Variants in PTPRR observed in about 807,000 individuals in gnomAD.
PTPRR encodes receptor-type tyrosine-protein phosphatase R.
In PTPRR, 38 loss-of-function variants were observed where a neutral mutation model predicts 77.2. That is an observed-to-expected ratio of 0.49 (90% confidence interval 0.38 to 0.65). PTPRR has a LOEUF of 0.65. Among genes scored for constraint, PTPRR ranks in the 30% least tolerant of loss-of-function variants. The probability of loss-of-function intolerance (pLI) is 0.00; values close to 1 mark genes in which losing one functional copy is unlikely to be tolerated. For synonymous variants in PTPRR, 299 were observed against 283.1 expected, an observed-to-expected ratio of 1.06 and a Z score of -0.57; for missense variants, 744 against 799.2, an observed-to-expected ratio of 0.93 and a Z score of 0.83.
intron 12 of PTPRR, among the ~76,000 whole-genome samples, chr12:70,659,454 A>C (rs1886714143): frequency 6.6e-6 from 1 of 152,158 alleles, no homozygotes; most frequent in Non-Finnish European, 1.5e-5. Context: ...AGTTAAAAGG[A>C]GGACCAGAGA....
At chr12:70,765,379 G>T (rs1422510876) in intron 2 of PTPRR, among the ~76,000 whole-genome samples, 1 of 152,220 alleles carries the variant, frequency 6.6e-6, no homozygotes, top group East Asian at 1.9e-4. Flanking sequence ...GGCTTGGAGG[G>T]TCCTATGCCC....
intron 2 of PTPRR, among the ~76,000 whole-genome samples, chr12:70,795,473 G>A (rs1366300797): frequency 6.6e-6 from 1 of 152,274 alleles, no homozygotes; most frequent in African/African-American, 2.4e-5. Flanking sequence ...GAATGTGTGA[G>A]AATAAATTCA....
At chr12:70,697,775 C>G (rs575272336) in intron 8 of PTPRR, among the ~76,000 whole-genome samples, 2 of 151,964 alleles carry the variant, frequency 1.3e-5, no homozygotes, top group African/African-American at 4.8e-5. Context: ...TGTTTCTGCT[C>G]CATTTGTTGA....
chr12:70,647,873 T>C (rs1886257761), intron 13 of PTPRR, among the ~76,000 whole-genome samples: 1 of 152,242 alleles, frequency 6.6e-6, no homozygotes, highest in Non-Finnish European at 1.5e-5. Context: ...AGAAAGTTCA[T>C]TGTACTTATC....
chr12:70,866,580 C>T (rs544544160), intron 2 of PTPRR, among the ~76,000 whole-genome samples: 136 of 152,296 alleles, frequency 8.9e-4, no homozygotes, highest in Non-Finnish European at 1.6e-3. Flanking sequence ...CAGATGGATT[C>T]ACAGCCGAAT....
At chr12:70,691,112 A>G (rs1228274031) in intron 8 of PTPRR, among the ~76,000 whole-genome samples, 1 of 152,148 alleles carries the variant, frequency 6.6e-6, no homozygotes, top group Non-Finnish European at 1.5e-5. Context: ...AGAGTTTATT[A>G]TACACACACT....
At chr12:70,853,600 GT>G (rs1230063191) in intron 2 of PTPRR, among the ~76,000 whole-genome samples, 4 of 152,138 alleles carry the variant, frequency 2.6e-5, no homozygotes, top group Admixed American at 2.6e-4. Context: ...GACTTGATAT[GT>G]AACATTGGCC....
At chr12:70,780,255 G>A (rs938888747) in intron 2 of PTPRR, among the ~76,000 whole-genome samples, 16 of 152,234 alleles carry the variant, frequency 1.1e-4, no homozygotes, top group African/African-American at 3.9e-4. Context: ...CTCCCAAAGC[G>A]CTGGGATTAC....
chr12:70,672,139 G>A (rs937656390), intron 10 of PTPRR: 13 of 1,436,402 alleles, frequency 9.1e-6, no homozygotes, highest in East Asian at 6.9e-5. Context: ...AGCAGGGAGA[G>A]GCCATCCTCT....
chr12:70,908,471 A>C (rs1893655235), intron 1 of PTPRR, among the ~76,000 whole-genome samples: 1 of 152,168 alleles, frequency 6.6e-6, no homozygotes, highest in South Asian at 2.1e-4. Flanking sequence ...AGCAGGTGAG[A>C]GAATGAGTGC....
chr12:70,841,790 T>C (rs1892402494), intron 2 of PTPRR, among the ~76,000 whole-genome samples: 1 of 152,200 alleles, frequency 6.6e-6, no homozygotes, highest in Admixed American at 6.5e-5. Context: ...TTTCATTTAA[T>C]TTCTCATGGT....
intron 1 of PTPRR, among the ~76,000 whole-genome samples, chr12:70,913,821 T>G (rs912208955): frequency 6.6e-6 from 1 of 152,194 alleles, no homozygotes; most frequent in Admixed American, 6.5e-5. Context: ...CAATGTAAAT[T>G]AATTTATCAC....
rs1406300465 is a variant in PTPRR at position 70,919,689 on chromosome 12, T to G, written c.58+644A>C. ...ACTGTAATTGTTTTTTTTTTTTTTT[T>G]TTTTTTTTTTTTTTTTAATATGCCA... On this transcript the variant is annotated intron_variant, in intron 1 of 13. Transcript: ENST00000283228. 4.4e-4 allele frequency among the ~76,000 whole-genome samples: 63 copies of G among 142,378 alleles called. 1 individual carries two copies. The highest frequency in any genetic ancestry group is 1.5e-3 in the African/African-American group (61 of 40,018). 93.4% of individuals were successfully genotyped at this position (142,378 alleles called of 152,430 possible).
intron 3 of PTPRR, among the ~76,000 whole-genome samples, chr12:70,764,320 G>C (rs756632071): frequency 1.3e-5 from 2 of 152,148 alleles, no homozygotes; most frequent in Non-Finnish European, 2.9e-5. Flanking sequence ...AGTAGTGTCA[G>C]GTTGGTAAGG....
chr12:70,908,389 G>A (rs1439997856), intron 1 of PTPRR, among the ~76,000 whole-genome samples: 2 of 152,118 alleles, frequency 1.3e-5, no homozygotes, highest in Non-Finnish European at 2.9e-5. Context: ...TCACAGTTCC[G>A]CGTGGCTGGG....
At chr12:70,906,053 TAA>T (rs1351131778) in intron 1 of PTPRR, among the ~76,000 whole-genome samples, 1 of 151,934 alleles carries the variant, frequency 6.6e-6, no homozygotes, top group Non-Finnish European at 1.5e-5. Context: ...ATTGTAGCAA[TAA>T]AAGTTCTTTT....
intron 10 of PTPRR, among the ~76,000 whole-genome samples, chr12:70,674,217 G>T (rs1352881895): frequency 6.6e-6 from 1 of 152,096 alleles, no homozygotes; most frequent in Non-Finnish European, 1.5e-5. Flanking sequence ...TTACAGAAAT[G>T]AGCCACCATG....
intron 2 of PTPRR, among the ~76,000 whole-genome samples, chr12:70,839,345 A>G (rs540621814): frequency 6.6e-6 from 1 of 151,848 alleles, no homozygotes; most frequent in East Asian, 1.9e-4. Flanking sequence ...GTGTGTTAAA[A>G]GTGTCCAATA....
chr12:70,822,205 G>A (rs1818131747), intron 2 of PTPRR, among the ~76,000 whole-genome samples: 1 of 152,164 alleles, frequency 6.6e-6, no homozygotes, highest in Non-Finnish European at 1.5e-5. Flanking sequence ...GGAGAACAGA[G>A]AACACAGAAA....
Sources: allele counts gnomAD v4.1 joint callset (sites outside exome capture counted in the v4.1 genomes callset), GRCh38; gene constraint gnomAD v4.1.1; transcripts MANE v1.5; gene names NCBI Gene and HGNC (gene_info 2026-07-23, HGNC 2026-07-21).